The following RBFOX1 variants were observed in gnomAD, a reference collection of about 807,000 sequenced individuals.
RBFOX1 encodes the protein RNA binding protein fox-1 homolog 1.
A neutral mutation model predicts 57.7 loss-of-function variants in RBFOX1; 8 were observed. The ratio of observed to expected loss-of-function variants is 0.14; its 90% CI spans 0.08 to 0.25. RBFOX1 has a LOEUF of 0.25. Ranked by LOEUF, RBFOX1 falls within the 10% of genes least tolerant of loss-of-function variation. The pLI is 1.00. For synonymous variants in RBFOX1, 326 were observed against 222.4 expected, an observed-to-expected ratio of 1.47 and a Z score of -4.15; for missense variants, 611 against 548.5, an observed-to-expected ratio of 1.11 and a Z score of -1.14.
intron 11 of RBFOX1, among the ~76,000 whole-genome samples, chr16:7,636,823 G>C (rs1407789580): frequency 1.4e-5 from 2 of 142,768 alleles, no homozygotes; most frequent in African/African-American, 5.1e-5. Context: ...TTTCACAAGA[G>C]AGAGACAGAG....
intron 5 of RBFOX1, among the ~76,000 whole-genome samples, chr16:7,568,935 G>T (rs949896244): frequency 6.8e-6 from 1 of 146,656 alleles, no homozygotes; most frequent in African/African-American, 2.5e-5. Context: ...TGGGAATGCA[G>T]CCCAGTAGGT....
At chr16:5,558,003 C>A (rs1224542761) in intron 2 of RBFOX1, among the ~76,000 whole-genome samples, 1 of 152,130 alleles carries the variant, frequency 6.6e-6, no homozygotes, top group Non-Finnish European at 1.5e-5. Flanking sequence ...TGGTCAGAGA[C>A]TCGCCACTGG....
At chr16:5,984,946 T>TTATATATATATATATATA (rs61004841) in intron 4 of RBFOX1, among the ~76,000 whole-genome samples, 6 of 69,654 alleles carry the variant, frequency 8.6e-5, no homozygotes, top group African/African-American at 4.3e-4. Flanking sequence ...GGCAACTCCA[T>TTATATATATATATATATA]TATATATATA....
chr16:6,787,892 T>G (rs2082228056), intron 3 of RBFOX1, among the ~76,000 whole-genome samples: 1 of 152,180 alleles, frequency 6.6e-6, no homozygotes, highest in Non-Finnish European at 1.5e-5. Flanking sequence ...GAAGTTTTAA[T>G]ATTAATAGCC....
chr16:5,747,492 C>G (rs1014140712), intron 3 of RBFOX1, among the ~76,000 whole-genome samples: 1 of 152,028 alleles, frequency 6.6e-6, no homozygotes, highest in Non-Finnish European at 1.5e-5. Flanking sequence ...TGGTAGAATT[C>G]GGCTGTGAAT....
chr16:6,501,973 A>G (rs1254107010), intron 2 of RBFOX1, among the ~76,000 whole-genome samples: 3 of 152,168 alleles, frequency 2.0e-5, no homozygotes, highest in Non-Finnish European at 2.9e-5. Context: ...CTGCTTTTGT[A>G]AAGTTTACAT....
intron 4 of RBFOX1, among the ~76,000 whole-genome samples, chr16:7,188,082 A>G (rs77149040): frequency 1.3e-5 from 2 of 152,106 alleles, no homozygotes; most frequent in Non-Finnish European, 2.9e-5. Context: ...CATTTTTTGC[A>G]TGCAATGTGG....
intron 1 of RBFOX1, among the ~76,000 whole-genome samples, chr16:5,452,571 T>G (rs1277442898): frequency 6.6e-6 from 1 of 152,070 alleles, no homozygotes; most frequent in African/African-American, 2.4e-5. Flanking sequence ...CCTCTGCCTT[T>G]CACCTGCCCT....
chr16:6,787,267 C>G (rs2082125603), intron 3 of RBFOX1, among the ~76,000 whole-genome samples: 1 of 152,092 alleles, frequency 6.6e-6, no homozygotes, highest in Non-Finnish European at 1.5e-5. Context: ...TCGGCCCGTT[C>G]TAGGCAGCAT....
chr16:5,602,687 T>A (rs1034343614), downstream of RBFOX1, among the ~76,000 whole-genome samples: 1 of 152,062 alleles, frequency 6.6e-6, no homozygotes, highest in Non-Finnish European at 1.5e-5. Context: ...GACCCTTTTA[T>A]TTTTTTTCTA....
intron 1 of RBFOX1, among the ~76,000 whole-genome samples, chr16:5,456,480 T>C (rs1214548957): frequency 6.6e-6 from 1 of 152,220 alleles, no homozygotes; most frequent in Non-Finnish European, 1.5e-5. Flanking sequence ...GGTTCTATGG[T>C]GATGATGATG....
chr16:5,918,781 G>T (rs2058759744), intron 4 of RBFOX1, among the ~76,000 whole-genome samples: 1 of 152,204 alleles, frequency 6.6e-6, no homozygotes, highest in Non-Finnish European at 1.5e-5. Flanking sequence ...GTCAAGGGAG[G>T]AGCGACTAAG....
chr16:6,284,956 A>G (rs2076751996), intron 1 of RBFOX1, among the ~76,000 whole-genome samples: 1 of 152,196 alleles, frequency 6.6e-6, no homozygotes, highest in Non-Finnish European at 1.5e-5. Flanking sequence ...CTTGCCTGAC[A>G]CAGAAAACCC....
chr16:6,530,668 G>C (rs1479832360), intron 2 of RBFOX1, among the ~76,000 whole-genome samples: 1 of 152,104 alleles, frequency 6.6e-6, no homozygotes, highest in Non-Finnish European at 1.5e-5. Flanking sequence ...CATGGTGGAA[G>C]GAGGAGCAAG....
intron 3 of RBFOX1, among the ~76,000 whole-genome samples, chr16:6,951,008 C>T (rs551357755): frequency 6.6e-6 from 1 of 152,066 alleles, no homozygotes; most frequent in Non-Finnish European, 1.5e-5. Flanking sequence ...TAGGCTCCAG[C>T]GATCCTCCCA....
At chr16:7,400,539 C>T (rs1488695068) in intron 4 of RBFOX1, among the ~76,000 whole-genome samples, 1 of 152,128 alleles carries the variant, frequency 6.6e-6, no homozygotes, top group Admixed American at 6.5e-5. Flanking sequence ...AAATATATTC[C>T]TTTCCGGATT....
intron 3 of RBFOX1, among the ~76,000 whole-genome samples, chr16:6,688,057 A>G (rs2059696724): frequency 6.6e-6 from 1 of 152,182 alleles, no homozygotes; most frequent in African/African-American, 2.4e-5. Context: ...TTGCACTGCC[A>G]TAGACAAATA....
intron 2 of RBFOX1, among the ~76,000 whole-genome samples, chr16:6,546,958 T>A (rs2096904932): frequency 1.3e-5 from 2 of 152,182 alleles, no homozygotes; most frequent in African/African-American, 2.4e-5. Flanking sequence ...TTCAATTAAC[T>A]TTCAAAAAGT....
intron 3 of RBFOX1, among the ~76,000 whole-genome samples, chr16:5,844,753 G>A (rs554347410): frequency 6.6e-6 from 1 of 152,312 alleles, no homozygotes; most frequent in Non-Finnish European, 1.5e-5. Context: ...AGAGGGAGAA[G>A]ATTCCAAGGG....
Sources: gnomAD v4.1 joint callset for allele counts (sites outside exome capture counted in the v4.1 genomes callset) on GRCh38, gnomAD v4.1.1 for gene constraint, MANE v1.5 for transcripts, NCBI Gene and HGNC (gene_info 2026-07-23, HGNC 2026-07-21) for gene names.